The following DAPK2 variants were observed in gnomAD, a reference collection of about 807,000 sequenced individuals.
The protein encoded by DAPK2 is death-associated protein kinase 2.
In DAPK2, 35 loss-of-function variants were observed where a neutral mutation model predicts 44.1. The observed-to-expected ratio is 0.79, with a 90% CI of 0.61 to 1.05. The LOEUF (loss-of-function observed/expected upper bound fraction) is 1.05, where lower values mean the gene tolerates loss of function less well. DAPK2 is among the 50% of genes least tolerant of loss of function. The pLI, the probability that DAPK2 is intolerant of heterozygous loss-of-function variation, is 0.00. For synonymous variants in DAPK2, 174 were observed against 182.6 expected, an observed-to-expected ratio of 0.95 and a Z score of 0.38; for missense variants, 453 against 483.2, an observed-to-expected ratio of 0.94 and a Z score of 0.59.
upstream of DAPK2, chr15:64,046,333 CAGG>C (rs2080464239): frequency 1.4e-5 from 3 of 207,634 alleles, no homozygotes; most frequent in Non-Finnish European, 1.7e-5. The surrounding 1 kb of genome is among the most constrained non-coding windows in gnomAD (Gnocchi z 5.3). Flanking sequence ...GCGGCCGCGG[CAGG>C]CGCGGCGGGA....
intron 1 of DAPK2, among the ~76,000 whole-genome samples, chr15:64,026,087 G>T (rs1312308111): frequency 2.0e-5 from 3 of 152,290 alleles, no homozygotes; most frequent in Admixed American, 6.5e-5. Flanking sequence ...CTGACTGGGG[G>T]TGAGGGGCAA....
intron 1 of DAPK2, among the ~76,000 whole-genome samples, chr15:64,008,430 T>TA (rs2079297029): frequency 2.6e-5 from 4 of 152,168 alleles, no homozygotes; most frequent in Admixed American, 2.6e-4. Context: ...ATCTAGAACT[T>TA]AAAGTCAGAT....
intron 1 of DAPK2, among the ~76,000 whole-genome samples, chr15:64,005,524 G>A (rs332265): frequency 0.98 from 148,564 of 151,976 alleles, 72,698 homozygotes; most frequent in East Asian, 1. Context: ...GAGGGTGGGA[G>A]GACAGCCATG....
At chr15:64,035,293 T>C (rs427789) in intron 1 of DAPK2, among the ~76,000 whole-genome samples, 125,151 of 152,140 alleles carry the variant, frequency 0.82, 51,798 homozygotes, top group East Asian at 0.92. Context: ...GTTGTCTATG[T>C]GGAAGTTCAC....
chr15:63,978,705 C>G (rs540870479), intron 2 of DAPK2, among the ~76,000 whole-genome samples: 89 of 152,278 alleles, frequency 5.8e-4, no homozygotes, highest in African/African-American at 2.0e-3. Context: ...TCTAAGACCT[C>G]TGCCCTGGAG....
intron 6 of DAPK2, chr15:63,928,193 C>A (rs985066610): frequency 6.6e-6 from 1 of 152,582 alleles, no homozygotes; most frequent in Non-Finnish European, 1.5e-5. Context: ...AGTCCCTACC[C>A]CTAGCAATTG....
intron 8 of DAPK2, among the ~76,000 whole-genome samples, chr15:63,924,204 C>G (rs1225375597): frequency 6.6e-6 from 1 of 152,192 alleles, no homozygotes; most frequent in Non-Finnish European, 1.5e-5. Flanking sequence ...CAGCAGCTGA[C>G]TGGAAAGCCA....
chr15:63,929,447 GT>G (rs2079444574), intron 6 of DAPK2, 103 bp downstream of exon 7: 2 of 1,439,430 alleles, frequency 1.4e-6, no homozygotes, highest in Non-Finnish European at 1.9e-6. Context: ...CTGGATTATG[GT>G]GGGTGCTTAG....
intron 2 of DAPK2, among the ~76,000 whole-genome samples, chr15:63,975,750 C>T (rs115755076): frequency 2.0e-5 from 3 of 152,120 alleles, no homozygotes; most frequent in African/African-American, 4.8e-5. Context: ...AGGCACATGC[C>T]GCTACGCCCA....
chr15:64,003,741 G>A (rs914822126), intron 1 of DAPK2, among the ~76,000 whole-genome samples: 8 of 152,150 alleles, frequency 5.3e-5, no homozygotes, highest in Admixed American at 3.9e-4. Context: ...GAGTAGCTGG[G>A]ATTACTGGTG....
chr15:64,029,388 C>T (rs1296656178), intron 1 of DAPK2, among the ~76,000 whole-genome samples: 2 of 152,148 alleles, frequency 1.3e-5, no homozygotes, highest in Admixed American at 6.5e-5. Flanking sequence ...CATCCCTTCA[C>T]CTTCTCCACA....
intron 4 of DAPK2, chr15:63,932,776 C>T (rs1015543264): frequency 1.3e-5 from 2 of 152,168 alleles, no homozygotes; most frequent in African/African-American, 2.4e-5. Flanking sequence ...CAGGGAACTA[C>T]GCTCCTGGTT....
At chr15:63,964,820 A>G (rs1202755853) in intron 3 of DAPK2, among the ~76,000 whole-genome samples, 1 of 152,068 alleles carries the variant, frequency 6.6e-6, no homozygotes. Flanking sequence ...TCTTTGTTAA[A>G]TTTATCTGAT....
intron 10 of DAPK2, chr15:63,911,672 C>T: frequency 1.8e-6 from 1 of 570,484 alleles, no homozygotes; most frequent in Non-Finnish European, 3.1e-6. Flanking sequence ...GGGAGATCCT[C>T]CAGGAGTTCA....
At chr15:64,000,396 C>T (rs2079055275) in intron 1 of DAPK2, among the ~76,000 whole-genome samples, 1 of 152,212 alleles carries the variant, frequency 6.6e-6, no homozygotes, top group Non-Finnish European at 1.5e-5. Flanking sequence ...CACACCCAGA[C>T]TCCTGAGATG....
At chr15:63,996,880 C>T (rs1321368525) in intron 1 of DAPK2, among the ~76,000 whole-genome samples, 1 of 152,162 alleles carries the variant, frequency 6.6e-6, no homozygotes, top group Admixed American at 6.5e-5. Flanking sequence ...CCACCCCCAT[C>T]CCCCTCTGCC....
intron 1 of DAPK2, among the ~76,000 whole-genome samples, chr15:64,031,713 C>G (rs1300652377): frequency 1.3e-5 from 2 of 152,312 alleles, no homozygotes; most frequent in South Asian, 2.1e-4. Flanking sequence ...CTGTGTCACA[C>G]AGAGTAGAAT....
In DAPK2 at chr15:63,939,276, T is replaced by C. The variant is rs2077243776; in HGVS notation, c.539A>G (p.Asp180Gly). The change falls in exon 4 of 11, where the codon GAT becomes GGT. Residue 180 changes from aspartate to glycine, a missense_variant. Coordinates refer to ENST00000261891, the Ensembl canonical transcript of DAPK2. The surrounding 1 kb of genome is among the most constrained non-coding windows in gnomAD (Gnocchi z 4.3). ...AAAAATATTCTTAAATTCAACTCCA[T>C]CTTCTATTTCGTGAGCCAGACCAAA... is the stretch of plus-strand genomic sequence containing the variant. 1 of 1,613,754 alleles carries C rather than the reference T, an allele frequency of 6.2e-7. No homozygotes were observed.
intron 3 of DAPK2, among the ~76,000 whole-genome samples, chr15:63,967,620 G>A (rs915143172): frequency 6.6e-6 from 1 of 152,182 alleles, no homozygotes; most frequent in African/African-American, 2.4e-5. Context: ...GAACCCAGGA[G>A]GCAGAGGCTG....
Sources: allele counts gnomAD v4.1 joint callset (sites outside exome capture counted in the v4.1 genomes callset), GRCh38; gene constraint gnomAD v4.1.1; non-coding constraint Gnocchi (gnomAD v3.1); transcripts MANE v1.5; gene names NCBI Gene and HGNC (gene_info 2026-07-23, HGNC 2026-07-21).